The following FKBP5 variants were observed in gnomAD, a reference collection of about 807,000 sequenced individuals.
FKBP5 encodes the protein peptidyl-prolyl cis-trans isomerase FKBP5.
A neutral mutation model predicts 50.5 loss-of-function variants in FKBP5; 23 were observed. The observed-to-expected ratio is 0.46, with a 90% CI of 0.33 to 0.65. The LOEUF (loss-of-function observed/expected upper bound fraction) is 0.65, where lower values mean the gene tolerates loss of function less well. Among genes scored for constraint, FKBP5 ranks in the 30% least tolerant of loss-of-function variants. The probability of loss-of-function intolerance (pLI) is 0.02; values close to 1 mark genes in which losing one functional copy is unlikely to be tolerated. For synonymous variants in FKBP5, 176 were observed against 190.6 expected, an observed-to-expected ratio of 0.92 and a Z score of 0.63; for missense variants, 411 against 553.1, an observed-to-expected ratio of 0.74 and a Z score of 2.58.
intron 3 of FKBP5, among the ~76,000 whole-genome samples, chr6:35,635,931 G>C (rs957238984): frequency 6.6e-6 from 1 of 152,160 alleles, no homozygotes; most frequent in Non-Finnish European, 1.5e-5. Flanking sequence ...ATAATTATCT[G>C]ATACTACATC....
intron 3 of FKBP5, among the ~76,000 whole-genome samples, chr6:35,623,059 G>A (rs758924583): frequency 7.9e-5 from 12 of 152,192 alleles, no homozygotes; most frequent in South Asian, 4.2e-4. Flanking sequence ...TGGCTCACAC[G>A]GTGAAACCCC....
chr6:35,625,936 C>T (rs1343852367), intron 3 of FKBP5, among the ~76,000 whole-genome samples: 1 of 151,368 alleles, frequency 6.6e-6, no homozygotes, highest in Non-Finnish European at 1.5e-5. Context: ...CTAGCCACCA[C>T]TCCTGGCTAA....
At chr6:35,647,756 T>C (rs1421058698) in intron 1 of FKBP5, among the ~76,000 whole-genome samples, 4 of 152,206 alleles carry the variant, frequency 2.6e-5, no homozygotes, top group Non-Finnish European at 4.4e-5. Context: ...TCTTTTCTTC[T>C]CTGGAAGACA....
At position 35,575,888 on chromosome 6, in the gene FKBP5, T is replaced by C. The variant is rs573307937; in HGVS notation, c.1321A>G (p.Lys441Glu). 6.2e-7 allele frequency: 1 copy of C among 1,614,176 alleles called. No homozygotes were observed. Among genetic ancestry groups the C allele is most frequent in the Non-Finnish European group, 8.5e-7 (1 of 1,179,992 alleles). Reference sequence around the variant, plus strand: ...TCCATTGCTTGACTGTCTGTTCCTTTTTCATTAGTGACCCCTTCTGAAGTC... The same window carrying C: ...TCCATTGCTTGACTGTCTGTTCCTTCTTCATTAGTGACCCCTTCTGAAGTC... The part of the protein sequence containing the change: ...KKTSEGVTNE[K>E]GTDSQAMEEE... Residue 441 changes from lysine to glutamate, a missense_variant, in exon 11 of 11, where the codon AAA (lysine) becomes GAA (glutamate). Physicochemically the swap from Lys to Glu is moderately conservative, Grantham distance 56 (BLOSUM62 1). Transcript: ENST00000357266.
rs1273846667 is a variant in FKBP5, at chr6:35,627,496, T to TC, written c.251-7223_251-7222insG. The stretch of plus-strand genomic sequence containing the variant: ...GTTGTTTTTGTTGAGTTATAGGAGT[T>TC]GTTTGTGTATTCTGGGTATTAATCC... On this transcript the variant is annotated intron_variant, in intron 3 of 10. Transcript: ENST00000357266. Among the ~76,000 whole-genome samples the TC allele has an allele frequency of 3.9e-5, 6 of 152,312 alleles. No homozygotes were observed. In the South Asian group the frequency reaches 8.3e-4, roughly 21 times the overall value.
At chr6:35,686,605 T>C (rs542254585) in intron 1 of FKBP5, among the ~76,000 whole-genome samples, 1 of 152,196 alleles carries the variant, frequency 6.6e-6, no homozygotes, top group Non-Finnish European at 1.5e-5. Context: ...GGATGAATTA[T>C]TGTTCAACCT....
chr6:35,651,915 A>G (rs938425462), intron 1 of FKBP5: 12 of 1,127,026 alleles, frequency 1.1e-5, no homozygotes, highest in Non-Finnish European at 1.4e-5. Flanking sequence ...ATTGTTCAGT[A>G]TGAGTTTTGA....
chr6:35,710,235 T>C (rs1766390466), intron 2 of FKBP5, among the ~76,000 whole-genome samples: 1 of 152,028 alleles, frequency 6.6e-6, no homozygotes, highest in South Asian at 2.1e-4. Context: ...TCCCAGCTCT[T>C]TGGGAGGCTG....
chr6:35,659,342 G>A lies in FKBP5; in HGVS notation c.-19-16499C>T, dbSNP rs548330837. On this transcript the variant is annotated intron_variant, in intron 1 of 10. Transcript: ENST00000357266. ...GGCTCACTGCAACCTCTGCCTCCTG[G>A]GTTCAAGCGATTCTCCTGTCTCAGC... Among the ~76,000 whole-genome samples the A allele has an allele frequency of 9.8e-5, 8 of 81,220 alleles. 2 individuals are homozygous for A. The highest frequency in any genetic ancestry group is 3.1e-4 in the African/African-American group (8 of 26,102). 53.3% of individuals were successfully genotyped at this position (81,220 alleles called of 152,430 possible).
chr6:35,590,889 A>T (rs1369419393), intron 7 of FKBP5, among the ~76,000 whole-genome samples: 1 of 87,840 alleles, frequency 1.1e-5, no homozygotes, highest in Admixed American at 1.1e-4. Flanking sequence ...CAAAAAAGTT[A>T]AAAAAAAAAA....
At chr6:35,685,690 AGCAATACTAGGCTAGGCGCGATGGC>A (rs1241663413) in intron 1 of FKBP5, among the ~76,000 whole-genome samples, 4 of 152,224 alleles carry the variant, frequency 2.6e-5, no homozygotes, top group African/African-American at 9.6e-5. Flanking sequence ...TGTTAAATAA[AGCAATACTAGGCTAGGCGCGATGGC>A]TCACGCCTGT....
At chr6:35,671,537 T>G (rs949343130) in intron 1 of FKBP5, among the ~76,000 whole-genome samples, 2 of 151,994 alleles carry the variant, frequency 1.3e-5, no homozygotes, top group African/African-American at 4.8e-5. Flanking sequence ...CCAAATAGTA[T>G]CTATAAAATG....
chr6:35,611,700 A>G (rs1763499497), intron 5 of FKBP5, among the ~76,000 whole-genome samples: 1 of 152,224 alleles, frequency 6.6e-6, no homozygotes, highest in Admixed American at 6.5e-5. Flanking sequence ...AAAAACTTTG[A>G]ATAAAAATTA....
intron 2 of FKBP5, among the ~76,000 whole-genome samples, chr6:35,702,978 C>T (rs1331247816): frequency 6.6e-6 from 1 of 151,914 alleles, no homozygotes; most frequent in African/African-American, 2.4e-5. Flanking sequence ...GGCTGGGTGC[C>T]GTGACTCATG....
At chr6:35,581,211 A>G in intron 8 of FKBP5, 1 of 974,788 alleles carries the variant, frequency 1.0e-6, no homozygotes, top group Non-Finnish European at 1.2e-6. Context: ...TAACAACTAT[A>G]AAACAATATA....
At chr6:35,720,316 T>C (rs1322163135) in intron 2 of FKBP5, 1 of 152,512 alleles carries the variant, frequency 6.6e-6, no homozygotes, top group Non-Finnish European at 1.5e-5. Flanking sequence ...ACGTACTCCA[T>C]GGGGTCCCTA....
At chr6:35,584,850 A>G (rs16878591) in intron 8 of FKBP5, 24,901 of 985,368 alleles carry the variant, frequency 0.025, 414 homozygotes, top group African/African-American at 0.073. Flanking sequence ...TTATCCAAAG[A>G]TTGGTAATTT....
At chr6:35,727,311 G>C (rs889332384) in intron 1 of FKBP5, among the ~76,000 whole-genome samples, 4 of 152,208 alleles carry the variant, frequency 2.6e-5, no homozygotes, top group Non-Finnish European at 4.4e-5. Context: ...ACTTAGTGAT[G>C]TCTTTCCACA....
intron 2 of FKBP5, among the ~76,000 whole-genome samples, chr6:35,700,761 C>T (rs1276556381): frequency 2.6e-5 from 4 of 152,068 alleles, no homozygotes; most frequent in African/African-American, 4.8e-5. Flanking sequence ...AGTTCGAGAC[C>T]AGCCTGACCA....
Sources: allele counts gnomAD v4.1 joint callset (sites outside exome capture counted in the v4.1 genomes callset), GRCh38; gene constraint gnomAD v4.1.1; transcripts MANE v1.5; gene names NCBI Gene and HGNC (gene_info 2026-07-23, HGNC 2026-07-21).